The following SRR variants were observed in gnomAD, a reference collection of about 807,000 sequenced individuals.
SRR encodes serine racemase, also known as D-serine ammonia-lyase.
SRR carries 19 observed loss-of-function variants against 32.7 expected under a neutral mutation model. That is an observed-to-expected ratio of 0.58 (90% confidence interval 0.40 to 0.85). The LOEUF (loss-of-function observed/expected upper bound fraction) is 0.85. Ranked by LOEUF, SRR falls within the 40% of genes least tolerant of loss-of-function variation. The pLI is 0.00. For synonymous variants in SRR, 142 were observed against 140.9 expected (o/e 1.01, Z -0.06); for missense variants, 373 against 404.7 (o/e 0.92, Z 0.67).
chr17:2,304,399 A>C (rs1048092267), intron 1 of SRR, among the ~76,000 whole-genome samples: 1 of 149,456 alleles, frequency 6.7e-6, no homozygotes. Context: ...TTACAGGTGC[A>C]CGCCACCAAG....
At chr17:2,306,753 C>T (rs2075393900) in intron 1 of SRR, 2 of 617,412 alleles carry the variant, frequency 3.2e-6, no homozygotes, top group South Asian at 3.6e-5. Flanking sequence ...CACCCATGGA[C>T]ACCGCCAAGT....
chr17:2,307,718 AT>A, intron 1 of SRR: 1 of 986,920 alleles, frequency 1.0e-6, no homozygotes, highest in Non-Finnish European at 1.6e-6. Context: ...GAAGATTTTA[AT>A]TAGGCAACAA....
chr17:2,323,552 GT>G, intron 7 of SRR, 102 bp from the exon 8 acceptor site: 10 of 1,310,410 alleles, frequency 7.6e-6, no homozygotes, highest in Non-Finnish European at 1.1e-5. Flanking sequence ...TGTGTACACA[GT>G]GATAAGAAAA....
intron 1 of SRR, among the ~76,000 whole-genome samples, chr17:2,314,984 C>T (rs1434834541): frequency 6.6e-6 from 1 of 151,932 alleles, no homozygotes. Context: ...TGGCTTACAC[C>T]TGTAATCCCA....
intron 1 of SRR, 176 bp from the exon 2 acceptor site, chr17:2,315,381 T>A (rs2075465188): frequency 1.8e-6 from 1 of 549,404 alleles, no homozygotes; most frequent in African/African-American, 2.0e-5. Flanking sequence ...CCAGAAAAAC[T>A]TCGTTCAGCT....
intron 7 of SRR, 131 bp downstream of exon 7, chr17:2,323,476 A>T (rs1411382970): frequency 6.8e-6 from 8 of 1,175,412 alleles, no homozygotes; most frequent in Non-Finnish European, 9.7e-6. Context: ...AGGGTACCCT[A>T]GATGTATTAA....
intron 6 of SRR, among the ~76,000 whole-genome samples, chr17:2,322,340 G>A (rs1188605038): frequency 1.3e-5 from 2 of 152,152 alleles, no homozygotes; most frequent in Non-Finnish European, 2.9e-5. Flanking sequence ...ATACCAAGGG[G>A]CTACCCTTTT....
intron 3 of SRR, among the ~76,000 whole-genome samples, chr17:2,318,619 A>ATTTTTTTTTTTT: frequency 1.1e-5 from 1 of 92,530 alleles, no homozygotes; most frequent in Non-Finnish European, 2.0e-5. Flanking sequence ...ATGCCTGGCT[A>ATTTTTTTTTTTT]TTTTTTTTTT....
upstream of SRR, chr17:2,303,901 A>C: frequency 3.2e-6 from 1 of 315,256 alleles, no homozygotes; most frequent in Non-Finnish European, 5.9e-6. Flanking sequence ...CCGGTTCCAG[A>C]GGGGCGGGAC....
chr17:2,319,125 A>C (rs970338224), intron 4 of SRR, among the ~76,000 whole-genome samples, 196 bp downstream of exon 4: 5 of 152,166 alleles, frequency 3.3e-5, no homozygotes, highest in South Asian at 4.1e-4. Flanking sequence ...TGGTCTAACA[A>C]CACCAACTCC....
intron 1 of SRR, among the ~76,000 whole-genome samples, chr17:2,314,517 A>G (rs1212009558): frequency 6.7e-6 from 1 of 149,204 alleles, no homozygotes; most frequent in Non-Finnish European, 1.5e-5. Context: ...CGGGAGGCGG[A>G]GCTTGCAGTG....
Position 2,324,609 on chromosome 17 carries a change from G to A in SRR, c.*736G>A, listed in dbSNP as rs957617834. The A allele has an allele frequency of 1.9e-6, 3 of 1,613,862 alleles. No homozygotes were observed. In the African/African-American group the frequency reaches 4.0e-5, roughly 22 times the overall value. On this transcript the variant is annotated 3_prime_UTR_variant, in exon 8 of 8. Coordinates refer to ENST00000344595, the MANE Select transcript of SRR (RefSeq NM_021947.3). ...AATCAAACACATTAAAGACCAAGAT[G>A]AAACATTTACCCACAAAATGTAAAC...
At chr17:2,311,638 A>T (rs894710880) in intron 1 of SRR, among the ~76,000 whole-genome samples, 3 of 152,144 alleles carry the variant, frequency 2.0e-5, no homozygotes, top group African/African-American at 7.2e-5. Context: ...ACCCCGTCTC[A>T]GTAAATAAAT....
chr17:2,305,708 G>GT (rs897768866), intron 1 of SRR, among the ~76,000 whole-genome samples: 8 of 151,740 alleles, frequency 5.3e-5, no homozygotes, highest in African/African-American at 1.4e-4. Context: ...TTTGTTTTTC[G>GT]TTTTTTTTGA....
At chr17:2,310,815 T>C (rs1357496927) in intron 1 of SRR, among the ~76,000 whole-genome samples, 1 of 152,000 alleles carries the variant, frequency 6.6e-6, no homozygotes, top group Non-Finnish European at 1.5e-5. Flanking sequence ...GGCATGATCT[T>C]GGCTCACTGC....
intron 1 of SRR, chr17:2,306,942 A>G (rs1390611098): frequency 6.4e-5 from 72 of 1,125,524 alleles, no homozygotes; most frequent in Non-Finnish European, 8.9e-5. Context: ...GATTTGCCAC[A>G]TATGCCACTG....
At chr17:2,303,495 C>G, upstream of SRR, 2 of 1,327,856 alleles carry the variant, frequency 1.5e-6, no homozygotes, top group Non-Finnish European at 1.9e-6. Flanking sequence ...AGCGAGGGTC[C>G]GCCGCGGCCC....
Position 2,323,681 on chromosome 17 carries a change from G to A in SRR, c.831G>A (p.Arg277=), listed in dbSNP as rs1283137433. The A allele has an allele frequency of 1.2e-6, 2 of 1,614,140 alleles. No homozygotes were observed. Among genetic ancestry groups the A allele is most frequent in the Non-Finnish European group, 1.7e-6 (2 of 1,180,008 alleles). The change falls in exon 8 of 8, where the codon AGG becomes AGA. Residue 277 remains arginine, a synonymous_variant. Coordinates refer to ENST00000344595, the MANE Select transcript of SRR (RefSeq NM_021947.3). ...IKCATQLVWE[R]MKLLIEPTAG... is the part of the protein sequence containing the mutation. ...GTGCAACCCAGCTGGTGTGGGAGAG[G>A]ATGAAACTACTCATTGAACCTACAG...
At position 2,316,902 on chromosome 17, in the gene SRR, T is replaced by C. The variant is rs550951976; in HGVS notation, c.169-968T>C. On this transcript the variant is annotated intron_variant, in intron 2 of 7. Coordinates refer to ENST00000344595, the MANE Select transcript of SRR (RefSeq NM_021947.3). ...TAATTTTTTTTTTTTTTTTTTTGAA[T>C]TTTTAGTAGAGACAGGGTTTCACCG... 3.0e-5 allele frequency among the ~76,000 whole-genome samples: 4 copies of C among 131,826 alleles called. No individual in the cohort carries two copies. The East Asian group carries it at 8.3e-4, about 27-fold the overall frequency. 86.5% of individuals were successfully genotyped at this position (131,826 alleles called of 152,430 possible).
Sources: allele counts gnomAD v4.1 joint callset (sites outside exome capture counted in the v4.1 genomes callset), GRCh38; gene constraint gnomAD v4.1.1; transcripts MANE v1.5; gene names NCBI Gene and HGNC (gene_info 2026-07-23, HGNC 2026-07-21).